SORCS1: variants seen among roughly 807,000 people sequenced by gnomAD.
SORCS1 encodes the protein VPS10 domain-containing receptor SorCS1.
Under a neutral mutation model 146.1 loss-of-function variants are expected in SORCS1, and 60 were observed. That is an observed-to-expected ratio of 0.41 (90% CI 0.33 to 0.51). The LOEUF (loss-of-function observed/expected upper bound fraction) is 0.51. Ranked by LOEUF, SORCS1 falls within the 20% of genes least tolerant of loss-of-function variation. The pLI is 0.21. For synonymous variants in SORCS1, 637 were observed against 584.0 expected (o/e 1.09, Z -1.31); for missense variants, 1,352 against 1,487.6 (o/e 0.91, Z 1.50).
At chr10:107,093,595 C>A (rs1964351527) in intron 1 of SORCS1, among the ~76,000 whole-genome samples, 1 of 151,932 alleles carries the variant, frequency 6.6e-6, no homozygotes, top group African/African-American at 2.4e-5. Context: ...ATCGCTTGAA[C>A]CCGGGACAAG....
chr10:107,152,726 G>A (rs373056493), intron 1 of SORCS1, among the ~76,000 whole-genome samples: 111 of 152,268 alleles, frequency 7.3e-4, no homozygotes, highest in African/African-American at 2.0e-3. Flanking sequence ...TGGCGACACC[G>A]AACTGTGAGT....
intron 7 of SORCS1, among the ~76,000 whole-genome samples, chr10:106,707,902 C>T (rs919268143): frequency 7.2e-5 from 11 of 152,134 alleles, no homozygotes; most frequent in East Asian, 1.9e-4. Context: ...TCAACAAATG[C>T]GCATGTTCAT....
chr10:107,116,513 T>C lies in SORCS1; in HGVS notation c.558+47456A>G, dbSNP rs147418765. On this transcript the variant is annotated intron_variant, in intron 1 of 25. Transcript: ENST00000263054. ...CAGCTTTAAAAAGGAAATCCTGCCA[T>C]ATATAAAAACATGGATGAACTTGGA... 1.3e-3 allele frequency among the ~76,000 whole-genome samples: 203 copies of C among 152,202 alleles called. 2 individuals carry two copies. The highest frequency in any genetic ancestry group is 4.8e-3 in the African/African-American group (200 of 41,544).
chr10:106,891,556 G>A (rs1951238308), intron 2 of SORCS1, among the ~76,000 whole-genome samples: 1 of 136,608 alleles, frequency 7.3e-6, no homozygotes, highest in Admixed American at 7.8e-5. Flanking sequence ...CTGAAGTGCA[G>A]TGGCATCACC....
chr10:107,158,935 A>G (rs1362759967), intron 1 of SORCS1, among the ~76,000 whole-genome samples: 1 of 149,408 alleles, frequency 6.7e-6, no homozygotes, highest in African/African-American at 2.5e-5. Context: ...GTCAACATTC[A>G]TGTCAATGTT....
intron 5 of SORCS1, among the ~76,000 whole-genome samples, chr10:106,744,012 C>G (rs185218991): frequency 6.6e-6 from 1 of 152,170 alleles, no homozygotes; most frequent in Non-Finnish European, 1.5e-5. Flanking sequence ...TTAGAACACA[C>G]TGTTTTGCCA....
chr10:107,048,246 G>GTAAGTGCA (rs1330598656), intron 1 of SORCS1, among the ~76,000 whole-genome samples: 5 of 152,186 alleles, frequency 3.3e-5, no homozygotes, highest in Admixed American at 6.5e-5. Context: ...CAGACTGAAA[G>GTAAGTGCA]TAAGTGCATT....
chr10:107,001,478 TG>T (rs1957219703), intron 1 of SORCS1, among the ~76,000 whole-genome samples: 1 of 152,128 alleles, frequency 6.6e-6, no homozygotes, highest in Non-Finnish European at 1.5e-5. Flanking sequence ...GGGTTCAATC[TG>T]GGATAGGAGT....
intron 5 of SORCS1, among the ~76,000 whole-genome samples, chr10:106,732,107 A>G (rs1272404099): frequency 1.3e-5 from 2 of 152,222 alleles, no homozygotes; most frequent in Non-Finnish European, 2.9e-5. Context: ...AAGTCTCCTT[A>G]AAGCCCTGTT....
At chr10:106,787,728 C>G (rs1470962529) in intron 3 of SORCS1, among the ~76,000 whole-genome samples, 1 of 152,194 alleles carries the variant, frequency 6.6e-6, no homozygotes, top group Non-Finnish European at 1.5e-5. Context: ...GGCCTAGTAT[C>G]TTTTATACAG....
At chr10:106,894,952 T>C (rs1382451295) in intron 2 of SORCS1, among the ~76,000 whole-genome samples, 1 of 152,166 alleles carries the variant, frequency 6.6e-6, no homozygotes, top group South Asian at 2.1e-4. Context: ...TACATGAGTA[T>C]TTTTTTGTAA....
In SORCS1 at chr10:106,574,214, T is replaced by C. The variant is rs1844485130; in HGVS notation, c.*3206A>G. ...AAAAGCAAAGCAAACCTCTGCATTTTGGACAGTGAATCCAATTAAAAATAA... is the reference window on the plus strand; with the variant it reads ...AAAAGCAAAGCAAACCTCTGCATTTCGGACAGTGAATCCAATTAAAAATAA... On this transcript the variant is annotated 3_prime_UTR_variant, in exon 26 of 26. Coordinates refer to ENST00000263054, the MANE Select transcript of SORCS1 (RefSeq NM_052918.5). 6.6e-6 allele frequency: 1 copy of C among 152,658 alleles called. No individual in the cohort carries two copies. Among genetic ancestry groups the C allele is most frequent in the African/African-American group, 2.4e-5 (1 of 41,454 alleles). 9.5% of individuals were successfully genotyped at this position (152,658 alleles called of 1,614,324 possible). A position where few individuals can be genotyped will look rare whatever the true frequency, so the allele number is the denominator to read the frequency against.
At chr10:106,938,943 T>C (rs1194402178) in intron 2 of SORCS1, among the ~76,000 whole-genome samples, 2 of 152,190 alleles carry the variant, frequency 1.3e-5, no homozygotes, top group East Asian at 3.9e-4. Flanking sequence ...ATTAATTTGT[T>C]AAGTTTTGAA....
chr10:106,630,329 T>A (rs572948857), intron 18 of SORCS1, among the ~76,000 whole-genome samples: 8 of 152,284 alleles, frequency 5.3e-5, no homozygotes, highest in Admixed American at 2.6e-4. Flanking sequence ...TCTTCACAGA[T>A]TCTTAGTCTA....
intron 1 of SORCS1, among the ~76,000 whole-genome samples, chr10:107,153,613 C>T (rs535361034): frequency 6.6e-4 from 101 of 152,276 alleles, no homozygotes; most frequent in African/African-American, 2.3e-3. Context: ...TGATCTTGCT[C>T]TTTTGCAAAA....
chr10:106,708,560 T>C (rs566843825), intron 7 of SORCS1, among the ~76,000 whole-genome samples: 191 of 152,356 alleles, frequency 1.3e-3, no homozygotes, highest in African/African-American at 4.4e-3. Context: ...TGAAAAGCAG[T>C]GCAGCGTATT....
chr10:107,105,199 G>A (rs1236581772), intron 1 of SORCS1, among the ~76,000 whole-genome samples: 1 of 152,176 alleles, frequency 6.6e-6, no homozygotes, highest in Admixed American at 6.5e-5. Flanking sequence ...CACAGATGTG[G>A]CTCCAATGAA....
intron 2 of SORCS1, among the ~76,000 whole-genome samples, chr10:106,941,276 G>A (rs1374714655): frequency 6.6e-6 from 1 of 152,162 alleles, no homozygotes; most frequent in Non-Finnish European, 1.5e-5. Context: ...CAAGATTTGT[G>A]TTTGTCTGTT....
At chr10:106,684,208 C>T (rs1291091727) in intron 10 of SORCS1, among the ~76,000 whole-genome samples, 3 of 152,132 alleles carry the variant, frequency 2.0e-5, no homozygotes, top group African/African-American at 7.2e-5. Flanking sequence ...CATAGTGGCA[C>T]ACACCTGTAA....
Sources: allele counts gnomAD v4.1 joint callset (sites outside exome capture counted in the v4.1 genomes callset), GRCh38; gene constraint gnomAD v4.1.1; transcripts MANE v1.5; gene names NCBI Gene and HGNC (gene_info 2026-07-23, HGNC 2026-07-21).